MST1R: variants seen among roughly 807,000 people sequenced by gnomAD.
MST1R encodes the protein macrophage-stimulating protein receptor.
Under a neutral mutation model 117.8 loss-of-function variants are expected in MST1R, and 99 were observed. The ratio of observed to expected loss-of-function variants is 0.84; its 90% CI spans 0.71 to 0.99. The LOEUF is 0.99. MST1R is among the 50% of genes least tolerant of loss of function. The probability of loss-of-function intolerance (pLI) is 0.00; values close to 1 mark genes in which losing one functional copy is unlikely to be tolerated. For synonymous variants in MST1R, 734 were observed against 765.3 expected (o/e 0.96, Z 0.68); for missense variants, 1,683 against 1,840.2 (o/e 0.91, Z 1.56).
chr3:49,888,563 C>A (rs1388204794), intron 19 of MST1R, among the ~76,000 whole-genome samples: 2 of 151,786 alleles, frequency 1.3e-5, no homozygotes, highest in African/African-American at 4.8e-5. Context: ...CATTGCGCCA[C>A]CGCACTCCAG....
intron 17 of MST1R, 48 bp from the exon 18 acceptor site, chr3:49,890,698 C>T (rs1404028037): frequency 6.5e-7 from 1 of 1,542,634 alleles, no homozygotes. Context: ...CTTACCAGGC[C>T]CTGAACCCAC....
intron 1 of MST1R, among the ~76,000 whole-genome samples, chr3:49,900,328 T>C (rs1274004016): frequency 6.6e-6 from 1 of 152,120 alleles, no homozygotes; most frequent in Non-Finnish European, 1.5e-5. Flanking sequence ...GGGAGGACTG[T>C]GGAAGCTCTG....
rs768599240 is a variant in MST1R at position 49,891,845 on chromosome 3, T to A, written c.3272-7A>T. On this transcript the variant is annotated splice_polypyrimidine_tract_variant and splice_region_variant and intron_variant, in intron 14 of 19. Transcript: ENST00000296474. The stretch of plus-strand genomic sequence containing the variant: ...TAGACAACTCCAAAGTGGCCTGGTG[T>A]GAGGTGCATAATGAGTCGATGAGAG... 2 of 1,614,050 alleles carry A rather than the reference T, an allele frequency of 1.2e-6. No individual in the cohort carries two copies. Among genetic ancestry groups the A allele is most frequent in the Non-Finnish European group, 1.7e-6 (2 of 1,179,904 alleles).
Position 49,896,610 on chromosome 3 carries a change from C to T in MST1R, c.2369G>A (p.Gly790Asp). 1.2e-6 allele frequency: 2 copies of T among 1,614,208 alleles called. No homozygotes were observed. Among genetic ancestry groups the T allele is most frequent in the South Asian group, 2.2e-5 (2 of 91,078 alleles). Residue 790 changes from glycine to aspartate, a missense_variant, in exon 9 of 20, where the codon GGC becomes GAC. Transcript: ENST00000296474. ...GYINSHITIC[G>D]QHLTSAWHLV... ...GTGCCATGCTGAAGTTAGATGCTGG[C>T]CACAGATGGTGATGTGGGAGTTGCT...
intron 19 of MST1R, among the ~76,000 whole-genome samples, chr3:49,889,321 A>T (rs2082247108): frequency 6.6e-6 from 1 of 152,164 alleles, no homozygotes; most frequent in African/African-American, 2.4e-5. Context: ...AGGAAGGGCT[A>T]CTCGCATCCT....
chr3:49,887,063 T>C lies in MST1R; in HGVS notation c.*244A>G. 1 of 594,134 alleles carries C rather than the reference T, an allele frequency of 1.7e-6. No individual in the cohort carries two copies. The highest frequency in any genetic ancestry group is 2.0e-5 in the South Asian group (1 of 49,814). The allele number at this position is 594,134 out of a possible 1,614,324, so 36.8% of individuals were successfully genotyped here. On this transcript the variant is annotated 3_prime_UTR_variant, in exon 20 of 20. Coordinates refer to ENST00000296474, the MANE Select transcript of MST1R (RefSeq NM_002447.4). ...CAAGGGTCAGTGTTGGTGTGGTCAC[T>C]GCTGAGTCCACTGTGCCCAGAAGAC... is the stretch of plus-strand genomic sequence containing the variant.
rs759714858 is a variant in MST1R, at chr3:49,891,302, G to A, written c.3539C>T (p.Pro1180Leu). 7 of 1,614,138 alleles carry A rather than the reference G, an allele frequency of 4.3e-6. No homozygotes were observed. The highest frequency in any genetic ancestry group is 5.9e-6 in the Non-Finnish European group (7 of 1,180,024). Residue 1180 changes from proline to leucine, a missense_variant, in exon 17 of 20, where the codon CCC (proline) becomes CTC (leucine). Physicochemically the swap from Pro to Leu is moderately conservative, Grantham distance 98 (BLOSUM62 -3). Transcript: ENST00000296474. ...AAAGCTGATGAGGTCCTTCACGGTG[G>A]GGTTCTGGGGGCACAGGTGGGTTGG... Reference protein sequence around the residue: ...LQFIRSPQRNPTVKDLISFGL... With the variant: ...LQFIRSPQRNLTVKDLISFGL...
At position 49,897,363 on chromosome 3, in the gene MST1R, G is replaced by A. The variant is rs766579799; in HGVS notation, c.2100C>T (p.Thr700=). ...GACTCTGGCCTTCAAGAGTGAGACA[G>A]GTGCCTCCTGCCCGTGGGCCAAAGA... The part of the protein sequence containing the change: ...QPLFGPRAGG[T]CLTLEGQSLS... The change falls in exon 7 of 20, where the codon ACC becomes ACT. Residue 700 remains threonine (T), a synonymous_variant. Coordinates refer to ENST00000296474, the MANE Select transcript of MST1R (RefSeq NM_002447.4). 1 of 1,613,974 alleles carries A rather than the reference G, an allele frequency of 6.2e-7. No homozygotes were observed. The highest frequency in any genetic ancestry group is 8.5e-7 in the Non-Finnish European group (1 of 1,179,974).
chr3:49,889,149 T>A (rs1250063169), intron 19 of MST1R, among the ~76,000 whole-genome samples: 1 of 152,200 alleles, frequency 6.6e-6, no homozygotes, highest in Non-Finnish European at 1.5e-5. Flanking sequence ...TTCTGTGACA[T>A]TTCTCCTGCC....
chr3:49,898,232 T>C, intron 4 of MST1R, 21 bp from the exon 5 acceptor site: 1 of 1,612,824 alleles, frequency 6.2e-7, no homozygotes, highest in Non-Finnish European at 8.5e-7. Flanking sequence ...GGAAACAGCC[T>C]GAGTCCTCAT....
intron 19 of MST1R, among the ~76,000 whole-genome samples, chr3:49,889,033 G>A (rs1035630323): frequency 5.3e-5 from 8 of 152,220 alleles, no homozygotes; most frequent in African/African-American, 1.9e-4. Flanking sequence ...CCTGTGACTA[G>A]TAACTGATTA....
rs1291515506 is a variant in MST1R at position 49,902,413 on chromosome 3, G to A, written c.1197C>T (p.Asp399=). ...GGCAAAAACTGGGCGACTGGAAGAA[G>A]TCGAGGCCTCGCCGGAGGCCTGGAT... ...PVHPGLRRGL[D]FFQSPSFCPN... Residue 399 remains aspartate, a synonymous_variant, in exon 1 of 20, where the codon GAC becomes GAT. Transcript: ENST00000296474. 1 of 1,613,968 alleles carries A rather than the reference G, an allele frequency of 6.2e-7. No individual in the cohort carries two copies. The highest frequency in any genetic ancestry group is 1.3e-5 in the African/African-American group (1 of 74,946).
At position 49,895,335 on chromosome 3, in the gene MST1R, C is replaced by T. The variant is rs558651390; in HGVS notation, c.3103G>A (p.Val1035Ile). ...AIDGLDSTTC[V>I]HGASFSDSED... ...CTATCGGAGAAGGATGCTCCATGGACACAAGTGGTGGAATCCAGACCATCA... is the reference window on the plus strand; with the variant it reads ...CTATCGGAGAAGGATGCTCCATGGATACAAGTGGTGGAATCCAGACCATCA... The change falls in exon 14 of 20, where the codon GTC becomes ATC. Residue 1035 changes from valine to isoleucine, a missense_variant. Transcript: ENST00000296474. 9.9e-6 allele frequency: 16 copies of T among 1,614,214 alleles called. No homozygotes were observed. The highest frequency in any genetic ancestry group is 7.7e-5 in the South Asian group (7 of 91,082).
Position 49,895,286 on chromosome 3 carries a change from A to C in MST1R, c.3152T>G (p.Leu1051Arg). ...SDSEDESCVP[L>R]LRKESIQLRD... Reference sequence around the variant, plus strand: ...TAGCTGGATGGACTCTTTCCGCAGCAGTGGCACACAGGATTCATCTTCACT... The same window carrying C: ...TAGCTGGATGGACTCTTTCCGCAGCCGTGGCACACAGGATTCATCTTCACT... The change falls in exon 14 of 20, where the codon CTG becomes CGG. Residue 1051 changes from leucine to arginine, a missense_variant. Leu to Arg is a moderately radical substitution (Grantham distance 102, BLOSUM62 -2). Transcript: ENST00000296474. The C allele has an allele frequency of 6.2e-7, 1 of 1,614,254 alleles. No homozygotes were observed. Among genetic ancestry groups the C allele is most frequent in the South Asian group, 1.1e-5 (1 of 91,090 alleles).
In MST1R at chr3:49,895,316, G is replaced by A. The variant is rs763045729; in HGVS notation, c.3122C>T (p.Ser1041Phe). 4 of 1,614,108 alleles carry A rather than the reference G, an allele frequency of 2.5e-6. No individual in the cohort carries two copies. ...CACACAGGATTCATCTTCACTATCGGAGAAGGATGCTCCATGGACACAAGT... is the reference window on the plus strand; with the variant it reads ...CACACAGGATTCATCTTCACTATCGAAGAAGGATGCTCCATGGACACAAGT... ...STTCVHGASF[S>F]DSEDESCVPL... Residue 1041 changes from serine to phenylalanine, a missense_variant, in exon 14 of 20, where the codon TCC (serine) becomes TTC (phenylalanine). Physicochemically the swap from Ser to Phe is radical, Grantham distance 155. Transcript: ENST00000296474.
chr3:49,897,858 AG>A, intron 5 of MST1R, 173 bp from the exon 6 acceptor site: 1 of 1,144,754 alleles, frequency 8.7e-7, no homozygotes, highest in South Asian at 1.5e-5. Context: ...CTGGTCCATG[AG>A]TGAACAGACA....
At position 49,902,788 on chromosome 3, in the gene MST1R, A is replaced by G. The variant is rs750514409; in HGVS notation, c.822T>C (p.Ser274=). The part of the protein sequence containing the change: ...VQPASVTDDP[S]ALHTRLARLS... Reference sequence around the variant, plus strand: ...GCCGTGCCAGGCGTGTGTGCAGGGCACTAGGATCATCTGTCACGCTGGCCG... The same window carrying G: ...GCCGTGCCAGGCGTGTGTGCAGGGCGCTAGGATCATCTGTCACGCTGGCCG... The change falls in exon 1 of 20, where the codon AGT becomes AGC. Residue 274 remains serine (S), a synonymous_variant. Coordinates refer to ENST00000296474, the MANE Select transcript of MST1R (RefSeq NM_002447.4). 1.9e-6 allele frequency: 3 copies of G among 1,613,920 alleles called. No individual in the cohort carries two copies. Among genetic ancestry groups the G allele is most frequent in the Admixed American group, 3.3e-5 (2 of 60,038 alleles).
At position 49,897,545 on chromosome 3, in the gene MST1R, G is replaced by C; in HGVS notation, c.2021C>G (p.Ser674Cys). 6.2e-7 allele frequency: 1 copy of C among 1,614,014 alleles called. No homozygotes were observed. The highest frequency in any genetic ancestry group is 8.5e-7 in the Non-Finnish European group (1 of 1,179,974). ...PGKHFRVDGT[S>C]VLRGFSFMEP... ...CATGAAAGAGAAGCCTCTCAGCACG[G>C]AGGTGCCGTCTACCCGGAAGTGCTT... Residue 674 changes from serine to cysteine, a missense_variant, in exon 6 of 20, where the codon TCC becomes TGC. Coordinates refer to ENST00000296474, the MANE Select transcript of MST1R (RefSeq NM_002447.4).
chr3:49,903,850 C>A lies in MST1R; in HGVS notation c.-241G>T. 1 of 531,750 alleles carries A rather than the reference C, an allele frequency of 1.9e-6. No homozygotes were observed. Among genetic ancestry groups the A allele is most frequent in the Non-Finnish European group, 3.2e-6 (1 of 308,276 alleles). The allele number at this position is 531,750 out of a possible 1,614,324, so 32.9% of individuals were successfully genotyped here. A position where few individuals can be genotyped will look rare whatever the true frequency, so the allele number is the denominator to read the frequency against. ...AGCAACGCCCCAGCCGCCTCACCTG[C>A]CGCCCCAGCCGCCGCTGTACACTGG... On this transcript the variant is annotated 5_prime_UTR_variant, in exon 1 of 20. Coordinates refer to ENST00000296474, the MANE Select transcript of MST1R (RefSeq NM_002447.4).
Sources: allele counts gnomAD v4.1 joint callset (sites outside exome capture counted in the v4.1 genomes callset), GRCh38; gene constraint gnomAD v4.1.1; transcripts MANE v1.5; gene names NCBI Gene and HGNC (gene_info 2026-07-23, HGNC 2026-07-21).